Variants in TERT observed in about 807,000 individuals in gnomAD.
TERT encodes the protein telomerase reverse transcriptase.
TERT carries 42 observed loss-of-function variants against 104.0 expected under a neutral mutation model. The ratio of observed to expected loss-of-function variants is 0.40; its 90% CI spans 0.32 to 0.52. The LOEUF is 0.52. Among genes scored for constraint, TERT ranks in the 20% least tolerant of loss-of-function variants. TERT has a pLI of 0.43. For synonymous variants in TERT, 781 were observed against 725.6 expected (o/e 1.08, Z -1.23); for missense variants, 1,101 against 1,610.3 (o/e 0.68, Z 5.41).
intron 10 of TERT, 102 bp from the exon 11 acceptor site, chr5:1,264,694 G>T (rs1035294134): frequency 3.5e-5 from 49 of 1,414,740 alleles, no homozygotes; most frequent in Non-Finnish European, 4.9e-5. Context: ...GAGAAGTGGT[G>T]ATTTGGAGCA....
rs779644782 is a variant in TERT, at chr5:1,280,386, TA to T, written c.1770-49del. On this transcript the variant is annotated intron_variant, in intron 3 of 15. Transcript: ENST00000310581. ...AGGCTTGCTCAGCCAGACAACAGAC[TA>T]GGGGGAAGCTCACGGGAAGCCACAA... The T allele has an allele frequency of 3.3e-5, 52 of 1,591,300 alleles. No individual in the cohort carries two copies. The South Asian group carries it at 3.9e-4, about 12-fold the overall frequency.
At position 1,282,621 on chromosome 5, in the gene TERT, A is replaced by G. The variant is rs1417720511; in HGVS notation, c.1577T>C (p.Val526Ala). The change falls in exon 3 of 16, where the codon GTT becomes GCT. Residue 526 changes from valine to alanine, a missense_variant. By Grantham distance (64) the Val-to-Ala change is moderately conservative. This residue lies in a region of TERT where 504 missense variants were observed against 544.6 expected (regional missense o/e 0.93). Transcript: ENST00000310581. Reference protein sequence around the residue: ...DCAWLRRSPGVGCVPAAEHRL... With the variant: ...DCAWLRRSPGAGCVPAAEHRL... ...GTGCTCTGCGGCCGGAACACAGCCA[A>G]CCCCTTAAACGAGAAGGACATGCCA... 1.2e-6 allele frequency: 2 copies of G among 1,613,698 alleles called. No individual in the cohort carries two copies. Among genetic ancestry groups the G allele is most frequent in the South Asian group, 1.1e-5 (1 of 91,076 alleles).
At chr5:1,283,400 G>C (rs1750197353) in intron 2 of TERT, among the ~76,000 whole-genome samples, 3 of 135,702 alleles carry the variant, frequency 2.2e-5, no homozygotes, top group Admixed American at 7.5e-5. Flanking sequence ...TCACAGCAGG[G>C]CCTGGCGACC....
rs756954938 is a variant in TERT at position 1,293,756 on chromosome 5, C to T, written c.1130G>A (p.Arg377His). The T allele has an allele frequency of 4.5e-6, 7 of 1,558,788 alleles. No individual in the cohort carries two copies. The highest frequency in any genetic ancestry group is 4.8e-5 in the East Asian group (2 of 42,054). Residue 377 changes from arginine to histidine, a missense_variant, in exon 2 of 16, where the codon CGC becomes CAC. Transcript: ENST00000310581. ...GCGCTGGGGCAGGCGGGGCAACCTG[C>T]GGGGAGTCCCTGGCATCCAGGGCCT... ...GSRPWMPGTP[R>H]RLPRLPQRYW...
chr5:1,284,102 T>C (rs1322617376), intron 2 of TERT, among the ~76,000 whole-genome samples: 16 of 109,782 alleles, frequency 1.5e-4, no homozygotes, highest in South Asian at 3.7e-4. Flanking sequence ...CGGACCTGCA[T>C]CATCCGGACT....
intron 8 of TERT, 85 bp downstream of exon 8, chr5:1,271,034 G>T: frequency 9.0e-7 from 1 of 1,114,836 alleles, no homozygotes; most frequent in East Asian, 2.4e-5. Context: ...AGGGCAGTGG[G>T]GAAGGGGCAG....
chr5:1,295,053 C>T lies in TERT; in HGVS notation c.-64G>A. The T allele has an allele frequency of 3.5e-6, 4 of 1,158,426 alleles. No individual in the cohort carries two copies. Among genetic ancestry groups the T allele is most frequent in the Middle Eastern group, 3.2e-4 (1 of 3,126 alleles). 71.8% of individuals were successfully genotyped at this position (1,158,426 alleles called of 1,614,324 possible). A position where few individuals can be genotyped will look rare whatever the true frequency, so the allele number is the denominator to read the frequency against. ...GCAGGACGCAGCGCTGCCTGAAACT[C>T]GCGCCGCGAGGAGAGGGCGGGGCCG... On this transcript the variant is annotated 5_prime_UTR_variant, in exon 1 of 16. Coordinates refer to ENST00000310581, the MANE Select transcript of TERT (RefSeq NM_198253.3).
intron 12 of TERT, among the ~76,000 whole-genome samples, chr5:1,259,232 C>T (rs868404136): frequency 2.8e-4 from 38 of 133,844 alleles, no homozygotes; most frequent in African/African-American, 9.3e-4. Flanking sequence ...GACGTGGATG[C>T]CCACAGGAGA....
Position 1,270,795 on chromosome 5 carries a change from C to G in TERT, c.2468+324G>C, listed in dbSNP as rs1748966433. Among the ~76,000 whole-genome samples the G allele has an allele frequency of 6.6e-6, 1 of 152,254 alleles. No individual in the cohort carries two copies. Among genetic ancestry groups the G allele is most frequent in the Admixed American group, 6.5e-5 (1 of 15,292 alleles). On this transcript the variant is annotated intron_variant, in intron 8 of 15. Coordinates refer to ENST00000310581, the MANE Select transcript of TERT (RefSeq NM_198253.3). This position sits in a 1 kb window ranked among gnomAD's most constrained non-coding sequence, Gnocchi z 8.3. ...TCAGTAGTAACTTGGAGCTGACAAG[C>G]TGCAGGCTCAAACGCTCGGCGCACA...
At position 1,270,138 on chromosome 5, in the gene TERT, T is replaced by C. The variant is rs986099551; in HGVS notation, c.2468+981A>G. Among the ~76,000 whole-genome samples, 8 of 152,236 alleles carry C rather than the reference T, an allele frequency of 5.3e-5. No homozygotes were observed. Among genetic ancestry groups the C allele is most frequent in the Non-Finnish European group, 8.8e-5 (6 of 68,046 alleles). On this transcript the variant is annotated intron_variant, in intron 8 of 15. Transcript: ENST00000310581. This position sits in a 1 kb window ranked among gnomAD's most constrained non-coding sequence, Gnocchi z 8.3. ...CGTGTCCCTCGGCCAAAATTCACTCTGCTGCCATGTGCAATTTGTGTTTTT... is the reference window on the plus strand; with the variant it reads ...CGTGTCCCTCGGCCAAAATTCACTCCGCTGCCATGTGCAATTTGTGTTTTT...
At chr5:1,277,228 CT>C (rs1209913228) in intron 6 of TERT, among the ~76,000 whole-genome samples, 1 of 152,204 alleles carries the variant, frequency 6.6e-6, no homozygotes, top group Non-Finnish European at 1.5e-5. Flanking sequence ...TGTCACCCCC[CT>C]GGAAACTCCC....
At position 1,265,550 on chromosome 5, in the gene TERT, C is replaced by G. The variant is rs1415169197; in HGVS notation, c.2654+914G>C. On this transcript the variant is annotated intron_variant, in intron 10 of 15. Coordinates refer to ENST00000310581, the MANE Select transcript of TERT (RefSeq NM_198253.3). This position sits in a 1 kb window ranked among gnomAD's most constrained non-coding sequence, Gnocchi z 6.9. ...TCAGTTGCTTGGGACCTGGGCTCCC[C>G]CCGAGTGAATCTTAGTGGATTTAAA... 6.6e-6 allele frequency among the ~76,000 whole-genome samples: 1 copy of G among 151,742 alleles called. No individual in the cohort carries two copies. The highest frequency in any genetic ancestry group is 1.5e-5 in the Non-Finnish European group (1 of 67,916).
In TERT at chr5:1,269,828, G is replaced by C. The variant is rs934029553; in HGVS notation, c.2469-1195C>G. ...AGTTTTTGGGGCAACAGGTTTTGAA[G>C]ACGTTTTTATTCAGAGGCCAAACTG... On this transcript the variant is annotated intron_variant, in intron 8 of 15. Coordinates refer to ENST00000310581, the MANE Select transcript of TERT (RefSeq NM_198253.3). This position sits in a 1 kb window ranked among gnomAD's most constrained non-coding sequence, Gnocchi z 9.0. 2.0e-5 allele frequency among the ~76,000 whole-genome samples: 3 copies of C among 152,090 alleles called. No individual in the cohort carries two copies. The highest frequency in any genetic ancestry group is 7.2e-5 in the African/African-American group (3 of 41,400).
In TERT at chr5:1,260,585, G is replaced by A; in HGVS notation, c.2859C>T (p.Ser953=). 1 of 1,614,114 alleles carries A rather than the reference G, an allele frequency of 6.2e-7. No individual in the cohort carries two copies. Among genetic ancestry groups the A allele is most frequent in the Non-Finnish European group, 8.5e-7 (1 of 1,180,008 alleles). Residue 953 remains serine (S), a synonymous_variant, in exon 12 of 16, where the codon TCC becomes TCT. Transcript: ENST00000310581. ...GGTTGAAGGTGAGACTGGCTCTGATGGAGGTCCGGGCATAGCTGAGACACA... is the reference window on the plus strand; with the variant it reads ...GGTTGAAGGTGAGACTGGCTCTGATAGAGGTCCGGGCATAGCTGAGACACA... ...QSDYSSYART[S]IRASLTFNRG...
In TERT at chr5:1,287,351, T is replaced by G. The variant is rs1466916073; in HGVS notation, c.1574-4727A>C. On this transcript the variant is annotated intron_variant, in intron 2 of 15. Coordinates refer to ENST00000310581, the MANE Select transcript of TERT (RefSeq NM_198253.3). The surrounding 1 kb of genome is among the most constrained non-coding windows in gnomAD (Gnocchi z 4.3). ...CCTGTCTCCAGAAAAAATTTAAAAATTAGCCAGGTGTAGCGGTGCGTGTCT... is the reference window on the plus strand; with the variant it reads ...CCTGTCTCCAGAAAAAATTTAAAAAGTAGCCAGGTGTAGCGGTGCGTGTCT... Among the ~76,000 whole-genome samples the G allele has an allele frequency of 2.0e-5, 3 of 151,842 alleles. No homozygotes were observed.
rs111469752 is a variant in TERT, at chr5:1,266,814, C to G, written c.2583-279G>C. 0.024 allele frequency among the ~76,000 whole-genome samples: 3,704 copies of G among 152,308 alleles called. 171 individuals are homozygous for G. Among genetic ancestry groups the G allele is most frequent in the African/African-American group, 0.085 (3,528 of 41,544 alleles). ...ACGAAGGCCATCAGGCGCGGCCCCA[C>G]TTCTCAGACTCTTAGGGAAAAATAA... On this transcript the variant is annotated intron_variant, in intron 9 of 15. Transcript: ENST00000310581.
intron 12 of TERT, among the ~76,000 whole-genome samples, chr5:1,259,963 G>A (rs1344408415): frequency 2.6e-5 from 4 of 151,214 alleles, no homozygotes; most frequent in African/African-American, 7.3e-5. Context: ...ACAGGAGAGG[G>A]GGAGTGGACA....
chr5:1,254,589 G>T, intron 14 of TERT, 84 bp from the exon 15 acceptor site: 1 of 1,488,606 alleles, frequency 6.7e-7, no homozygotes, highest in Non-Finnish European at 9.1e-7. Context: ...CACACCCGAC[G>T]GTCTGCGGGG....
intron 2 of TERT, among the ~76,000 whole-genome samples, chr5:1,289,043 G>A (rs1750669863): frequency 6.6e-6 from 1 of 152,146 alleles, no homozygotes. Flanking sequence ...AAACATTCAG[G>A]AGCAAGCTCA....
Sources: allele counts gnomAD v4.1 joint callset (sites outside exome capture counted in the v4.1 genomes callset), GRCh38; gene constraint gnomAD v4.1.1; regional missense constraint gnomAD v4.1.1; non-coding constraint Gnocchi (gnomAD v3.1); transcripts MANE v1.5; gene names NCBI Gene and HGNC (gene_info 2026-07-23, HGNC 2026-07-21).